KCNH8: variants seen among roughly 807,000 people sequenced by gnomAD.
The protein encoded by KCNH8 is potassium voltage-gated channel subfamily H member 8.
KCNH8 carries 70 observed loss-of-function variants against 103.6 expected under a neutral mutation model. The observed-to-expected ratio is 0.68, with a 90% CI of 0.56 to 0.82. The LOEUF (loss-of-function observed/expected upper bound fraction) is 0.82, where lower values mean the gene tolerates loss of function less well. Among genes scored for constraint, KCNH8 ranks in the 40% least tolerant of loss-of-function variants. The pLI is 0.00. For missense variants in KCNH8, 1,217 were observed against 1,329.9 expected, an observed-to-expected ratio of 0.92 and a Z score of 1.32; for synonymous variants, 498 against 489.4, an observed-to-expected ratio of 1.02 and a Z score of -0.23.
chr3:19,513,464 G>A lies in KCNH8; in HGVS notation c.2435+139G>A, dbSNP rs920105507. The A allele has an allele frequency of 8.2e-6, 10 of 1,216,756 alleles. No homozygotes were observed. In the African/African-American group the frequency reaches 1.4e-4, roughly 17 times the overall value. The allele number at this position is 1,216,756 out of a possible 1,614,324, so 75.4% of individuals were successfully genotyped here. The stretch of plus-strand genomic sequence containing the variant: ...TCCTCAGCTTTTCTGAGTTTTGTGG[G>A]CAATTTTTTGAGTTTATGTGCAAGT... On this transcript the variant is annotated intron_variant, in intron 13 of 15. Transcript: ENST00000328405.
chr3:19,384,009 G>A lies in KCNH8; in HGVS notation c.812-6472G>A, dbSNP rs1375868238. Among the ~76,000 whole-genome samples the A allele has an allele frequency of 2.0e-5, 3 of 152,266 alleles. No individual in the cohort carries two copies. In the East Asian group the frequency reaches 5.8e-4, roughly 29 times the overall value. ...TGGAGTCACACATCACTGAAAAAGT[G>A]AATATAGGGAGTCAAAATAGATAGT... On this transcript the variant is annotated intron_variant, in intron 5 of 15. Coordinates refer to ENST00000328405, the MANE Select transcript of KCNH8 (RefSeq NM_144633.3).
chr3:19,524,970 T>C (rs982669402), intron 15 of KCNH8, among the ~76,000 whole-genome samples: 2 of 151,620 alleles, frequency 1.3e-5, no homozygotes, highest in Non-Finnish European at 2.9e-5. Context: ...GAAGGCTGGG[T>C]GGAAAAGGTC....
At chr3:19,195,100 TC>T (rs2063588013) in intron 1 of KCNH8, among the ~76,000 whole-genome samples, 1 of 151,784 alleles carries the variant, frequency 6.6e-6, no homozygotes, top group South Asian at 2.1e-4. Context: ...ATCAAATTTT[TC>T]CCTGACCCTC....
intron 1 of KCNH8, among the ~76,000 whole-genome samples, chr3:19,181,416 A>C (rs1430795360): frequency 1.3e-5 from 2 of 152,194 alleles, no homozygotes; most frequent in Non-Finnish European, 2.9e-5. Context: ...AGGGAAAGAA[A>C]GAGATGAACG....
intron 11 of KCNH8, among the ~76,000 whole-genome samples, chr3:19,478,442 T>G (rs970086241): frequency 1.3e-5 from 2 of 152,152 alleles, no homozygotes; most frequent in African/African-American, 4.8e-5. Flanking sequence ...ACAACATCTG[T>G]TGTTCTTTGA....
intron 11 of KCNH8, among the ~76,000 whole-genome samples, chr3:19,479,470 G>T (rs1160408598): frequency 1.3e-5 from 2 of 152,128 alleles, no homozygotes; most frequent in Non-Finnish European, 2.9e-5. Context: ...AGGGTTTCAG[G>T]CCATCCTCAA....
chr3:19,390,948 A>T lies in KCNH8; in HGVS notation c.969+310A>T, dbSNP rs1480285030. 3.3e-5 allele frequency among the ~76,000 whole-genome samples: 5 copies of T among 152,168 alleles called. No individual in the cohort carries two copies. The East Asian group carries it at 9.6e-4, about 29-fold the overall frequency. On this transcript the variant is annotated intron_variant, in intron 6 of 15. Coordinates refer to ENST00000328405, the MANE Select transcript of KCNH8 (RefSeq NM_144633.3). ...GGAAATCATCTGTAGGAATTTAAGC[A>T]TCACTTTATATTACCTAGGCAGATA...
rs1490656592 is a variant in KCNH8 at position 19,534,446 on chromosome 3, A to G, written c.*347A>G. The G allele has an allele frequency of 3.8e-6, 1 of 264,088 alleles. No homozygotes were observed. The highest frequency in any genetic ancestry group is 8.2e-5 in the East Asian group (1 of 12,244). The allele number at this position is 264,088 out of a possible 1,614,324, so 16.4% of individuals were successfully genotyped here. On this transcript the variant is annotated 3_prime_UTR_variant, in exon 16 of 16. Coordinates refer to ENST00000328405, the MANE Select transcript of KCNH8 (RefSeq NM_144633.3). ...ATGTGGCTTTTGTGAAGTATGGCAA[A>G]GGTTTTTCATGAGTGCCTGATTGTT...
chr3:19,453,837 T>C (rs1483208284), intron 10 of KCNH8, among the ~76,000 whole-genome samples: 2 of 152,158 alleles, frequency 1.3e-5, no homozygotes, highest in Admixed American at 6.6e-5. Context: ...GTTTACAGTA[T>C]GGCAACCTGA....
intron 5 of KCNH8, among the ~76,000 whole-genome samples, chr3:19,369,473 G>A (rs929787904): frequency 1.3e-5 from 2 of 151,678 alleles, no homozygotes; most frequent in African/African-American, 4.8e-5. Context: ...CTTTCTCTCC[G>A]CTGTATCACA....
chr3:19,464,608 G>C (rs1275001728), intron 11 of KCNH8, among the ~76,000 whole-genome samples: 1 of 152,002 alleles, frequency 6.6e-6, no homozygotes, highest in Non-Finnish European at 1.5e-5. Context: ...AATGGGAGAA[G>C]ATATTTGCAT....
At chr3:19,305,631 G>A (rs563039931) in intron 3 of KCNH8, among the ~76,000 whole-genome samples, 1 of 150,418 alleles carries the variant, frequency 6.6e-6, no homozygotes, top group African/African-American at 2.5e-5. Flanking sequence ...ATTTTTATTA[G>A]TAATAATGAA....
intron 3 of KCNH8, among the ~76,000 whole-genome samples, chr3:19,308,386 C>T (rs765506750): frequency 2.6e-5 from 4 of 151,450 alleles, no homozygotes; most frequent in Non-Finnish European, 5.9e-5. Flanking sequence ...CAGCTTCTAC[C>T]TAACCTAAGC....
intron 3 of KCNH8, among the ~76,000 whole-genome samples, chr3:19,338,151 G>C (rs1000307950): frequency 6.6e-6 from 1 of 151,850 alleles, no homozygotes; most frequent in Non-Finnish European, 1.5e-5. Flanking sequence ...TTCTAGTGTG[G>C]CTTCAAAGGC....
At chr3:19,502,375 C>T (rs1301348034) in intron 11 of KCNH8, among the ~76,000 whole-genome samples, 8 of 149,392 alleles carry the variant, frequency 5.4e-5, no homozygotes, top group Admixed American at 2.0e-4. Context: ...TCAATGCCAT[C>T]CCCATCAAGC....
At position 19,357,626 on chromosome 3, in the gene KCNH8, T is replaced by C. The variant is rs114667182; in HGVS notation, c.811+9661T>C. On this transcript the variant is annotated intron_variant, in intron 5 of 15. Transcript: ENST00000328405. ...TGAGACTAAGAAGTGATTTGCACAT[T>C]CTTACTATCTACTATTATAACCACA... Among the ~76,000 whole-genome samples, 892 of 152,000 alleles carry C rather than the reference T, an allele frequency of 5.9e-3. 7 individuals carry two copies. Among genetic ancestry groups the C allele is most frequent in the African/African-American group, 0.02 (837 of 41,530 alleles).
intron 7 of KCNH8, among the ~76,000 whole-genome samples, chr3:19,434,501 A>T (rs893788276): frequency 1.3e-5 from 2 of 152,178 alleles, no homozygotes; most frequent in Admixed American, 6.5e-5. Context: ...AGGAGGCTGA[A>T]GGGGGTGGAG....
intron 7 of KCNH8, among the ~76,000 whole-genome samples, chr3:19,396,094 C>A (rs1045428767): frequency 1.3e-5 from 2 of 151,882 alleles, no homozygotes; most frequent in African/African-American, 2.4e-5. Flanking sequence ...GTCACAGTAC[C>A]TTATGTAGAA....
intron 7 of KCNH8, among the ~76,000 whole-genome samples, chr3:19,421,606 A>T (rs890935120): frequency 3.1e-4 from 47 of 151,956 alleles, no homozygotes; most frequent in Non-Finnish European, 1.2e-4. Flanking sequence ...TAATTCACTA[A>T]TCAGTTTTTA....
Sources: gnomAD v4.1 joint callset for allele counts (sites outside exome capture counted in the v4.1 genomes callset) on GRCh38, gnomAD v4.1.1 for gene constraint, MANE v1.5 for transcripts, NCBI Gene and HGNC (gene_info 2026-07-23, HGNC 2026-07-21) for gene names.